OR3A2: variants seen among roughly 807,000 people sequenced by gnomAD.
OR3A2 encodes the protein olfactory receptor family 3 subfamily A member 2.
For synonymous variants in OR3A2, 126 were observed against 159.3 expected (o/e 0.79, Z 1.57); for missense variants, 318 against 392.8 (o/e 0.81, Z 1.61).
At chr17:3,308,039 T>C (rs1205264873) in intron 3 of OR3A2, among the ~76,000 whole-genome samples, 1 of 152,198 alleles carries the variant, frequency 6.6e-6, no homozygotes, top group Non-Finnish European at 1.5e-5. Context: ...AGAGTGCCGT[T>C]TCACCAGTGC....
chr17:3,333,046 G>A (rs1352242667), intron 3 of OR3A2, among the ~76,000 whole-genome samples: 1 of 152,134 alleles, frequency 6.6e-6, no homozygotes, highest in East Asian at 1.9e-4. Flanking sequence ...TTTTCTTCTT[G>A]CAGAGAGCCT....
intron 2 of OR3A2, among the ~76,000 whole-genome samples, chr17:3,351,632 C>T (rs1282853682): frequency 7.3e-6 from 1 of 137,690 alleles, no homozygotes; most frequent in African/African-American, 2.7e-5. Flanking sequence ...GATTCAATGC[C>T]ATCCCCATCA....
chr17:3,349,644 A>G (rs1231698799), intron 2 of OR3A2, among the ~76,000 whole-genome samples: 1 of 151,970 alleles, frequency 6.6e-6, no homozygotes, highest in Non-Finnish European at 1.5e-5. Context: ...GTCAACAAGG[A>G]TACCCAGGAA....
chr17:3,377,902 G>C (rs1474057422), intron 2 of OR3A2, among the ~76,000 whole-genome samples: 1 of 152,228 alleles, frequency 6.6e-6, no homozygotes, highest in Non-Finnish European at 1.5e-5. Flanking sequence ...AAGAAAGTGA[G>C]ACATATAACC....
At chr17:3,291,733 T>C in intron 3 of OR3A2, 4 of 1,613,850 alleles carry the variant, frequency 2.5e-6, no homozygotes, top group Non-Finnish European at 3.4e-6. Flanking sequence ...ATGGGATTGA[T>C]GACAGTGTTG....
At chr17:3,334,198 G>A (rs406408) in intron 3 of OR3A2, among the ~76,000 whole-genome samples, 55,525 of 151,962 alleles carry the variant, frequency 0.37, 10,863 homozygotes, top group South Asian at 0.5. Context: ...ACAGTATGGC[G>A]ATTCCTCAGA....
At chr17:3,339,687 T>G (rs1015438009) in intron 2 of OR3A2, among the ~76,000 whole-genome samples, 1 of 152,206 alleles carries the variant, frequency 6.6e-6, no homozygotes, top group Non-Finnish European at 1.5e-5. Flanking sequence ...AGTATTTTAT[T>G]GAGGATTTTT....
chr17:3,285,239 C>T (rs2048801166), upstream of OR3A2, among the ~76,000 whole-genome samples: 1 of 152,088 alleles, frequency 6.6e-6, no homozygotes, highest in South Asian at 2.1e-4. Context: ...ACTAACATTC[C>T]CTCGCCTAAG....
chr17:3,329,336 G>A (rs2049208482), intron 3 of OR3A2, among the ~76,000 whole-genome samples: 2 of 149,582 alleles, frequency 1.3e-5, no homozygotes, highest in Admixed American at 1.3e-4. Flanking sequence ...GAATCCATCT[G>A]GTCCTGGACT....
In OR3A2 at chr17:3,371,949, G is replaced by T. The variant is rs1229874094; in HGVS notation, c.-179+11855C>A. Among the ~76,000 whole-genome samples the T allele has an allele frequency of 1.0e-4, 15 of 150,196 alleles. No homozygotes were observed. The East Asian group carries it at 2.5e-3, about 25-fold the overall frequency. ...CTGACCCCCACCTCCCTCCCGGACG[G>T]GGTGGCTGCCAGGCGGAGACGCTCC... On this transcript the variant is annotated intron_variant, in intron 2 of 4. Transcript: ENST00000573491.
intron 2 of OR3A2, among the ~76,000 whole-genome samples, chr17:3,379,858 A>G (rs1336013314): frequency 6.6e-6 from 1 of 152,166 alleles, no homozygotes; most frequent in Non-Finnish European, 1.5e-5. Context: ...CAGTCACCAC[A>G]CTGAGAGGCA....
chr17:3,361,692 T>C (rs1242816182), intron 2 of OR3A2, among the ~76,000 whole-genome samples: 1 of 151,760 alleles, frequency 6.6e-6, no homozygotes, highest in South Asian at 2.1e-4. Context: ...TTTTGTTTTT[T>C]GTTCTGTTTA....
chr17:3,331,109 A>AG (rs1209486510), intron 3 of OR3A2, among the ~76,000 whole-genome samples: 3 of 151,984 alleles, frequency 2.0e-5, no homozygotes, highest in South Asian at 2.1e-4. Flanking sequence ...CTTCCCTTTG[A>AG]GGGTAACCCG....
At chr17:3,308,081 A>G (rs2049011101) in intron 3 of OR3A2, among the ~76,000 whole-genome samples, 1 of 152,162 alleles carries the variant, frequency 6.6e-6, no homozygotes, top group African/African-American at 2.4e-5. Context: ...AAATGAATGA[A>G]TTTTGCCATA....
chr17:3,324,283 A>G (rs990095005), intron 3 of OR3A2, among the ~76,000 whole-genome samples: 3 of 151,396 alleles, frequency 2.0e-5, no homozygotes, highest in Non-Finnish European at 4.4e-5. Flanking sequence ...ACAGTTTTTA[A>G]CTTCTTTGCC....
At chr17:3,329,623 T>C (rs1232471637) in intron 3 of OR3A2, among the ~76,000 whole-genome samples, 10 of 141,818 alleles carry the variant, frequency 7.1e-5, no homozygotes, top group African/African-American at 2.7e-4. Context: ...TTAGTCTTGC[T>C]AGCGGTCTAT....
chr17:3,325,717 T>A (rs560615333), intron 3 of OR3A2, among the ~76,000 whole-genome samples: 2 of 152,222 alleles, frequency 1.3e-5, no homozygotes, highest in East Asian at 3.9e-4. Flanking sequence ...AGCCTTTTGG[T>A]TAAGATCAAG....
chr17:3,370,780 G>T (rs1188927215), intron 2 of OR3A2, among the ~76,000 whole-genome samples: 1 of 151,364 alleles, frequency 6.6e-6, no homozygotes, highest in Non-Finnish European at 1.5e-5. Context: ...GCGGCCTTCC[G>T]CAGTGTTTGT....
intron 3 of OR3A2, among the ~76,000 whole-genome samples, chr17:3,333,066 C>G (rs933250451): frequency 6.6e-6 from 1 of 152,100 alleles, no homozygotes; most frequent in East Asian, 1.9e-4. Context: ...TATAAATGGA[C>G]GTGCAAGTAG....
Sources: allele counts gnomAD v4.1 joint callset (sites outside exome capture counted in the v4.1 genomes callset), GRCh38; gene constraint gnomAD v4.1.1; transcripts MANE v1.5; gene names NCBI Gene and HGNC (gene_info 2026-07-23, HGNC 2026-07-21).